PTPRT: variants seen among roughly 807,000 people sequenced by gnomAD.
PTPRT encodes the protein protein tyrosine phosphatase receptor type T, also known as receptor-type tyrosine-protein phosphatase T.
A neutral mutation model predicts 176.8 loss-of-function variants in PTPRT; 56 were observed. The observed-to-expected ratio is 0.32, with a 90% CI of 0.26 to 0.40. The LOEUF (loss-of-function observed/expected upper bound fraction) is 0.40. Ranked by LOEUF, PTPRT falls within the 10% of genes least tolerant of loss-of-function variation. PTPRT has a pLI of 1.00. For synonymous variants in PTPRT, 783 were observed against 739.0 expected (o/e 1.06, Z -0.96); for missense variants, 1,540 against 1,908.2 (o/e 0.81, Z 3.60).
chr20:42,137,472 C>A (rs1988431054), intron 18 of PTPRT, among the ~76,000 whole-genome samples: 1 of 152,162 alleles, frequency 6.6e-6, no homozygotes, highest in South Asian at 2.1e-4. Flanking sequence ...CATTCTCCCC[C>A]AGGAACATGG....
intron 1 of PTPRT, among the ~76,000 whole-genome samples, chr20:43,009,635 G>A (rs1412199942): frequency 6.6e-6 from 1 of 152,172 alleles, no homozygotes; most frequent in Non-Finnish European, 1.5e-5. Flanking sequence ...GCAGCTGAGG[G>A]CAGTGGAGGG....
chr20:43,090,498 G>A (rs1013899659), intron 1 of PTPRT, among the ~76,000 whole-genome samples: 5 of 152,042 alleles, frequency 3.3e-5, no homozygotes, highest in Non-Finnish European at 5.9e-5. Flanking sequence ...TTGATATTCT[G>A]ACCTCGTGAT....
At chr20:42,214,426 G>A (rs933192156) in intron 15 of PTPRT, among the ~76,000 whole-genome samples, 2 of 152,160 alleles carry the variant, frequency 1.3e-5, no homozygotes, top group Admixed American at 1.3e-4. Flanking sequence ...GGGCATAGCT[G>A]GTGGGTCCTT....
chr20:42,697,981 C>T (rs559003306), intron 6 of PTPRT, among the ~76,000 whole-genome samples: 11 of 152,236 alleles, frequency 7.2e-5, no homozygotes, highest in African/African-American at 2.4e-4. Context: ...GCAATTTTCC[C>T]GAAGTATTAA....
At chr20:42,710,481 G>A (rs989182072) in intron 6 of PTPRT, among the ~76,000 whole-genome samples, 2 of 152,226 alleles carry the variant, frequency 1.3e-5, no homozygotes, top group Non-Finnish European at 2.9e-5. Context: ...CCAGCCCAGA[G>A]GGCACAATCC....
intron 7 of PTPRT, among the ~76,000 whole-genome samples, chr20:42,523,561 A>G (rs867344115): frequency 2.9e-4 from 44 of 152,176 alleles, no homozygotes; most frequent in African/African-American, 1.0e-3. Flanking sequence ...GGAAAATTTA[A>G]AAACTAAGTC....
At chr20:42,303,635 C>T (rs1421243335) in intron 12 of PTPRT, among the ~76,000 whole-genome samples, 1 of 152,140 alleles carries the variant, frequency 6.6e-6, no homozygotes, top group Non-Finnish European at 1.5e-5. Context: ...AATGAGAATA[C>T]ATATAGTGCC....
In PTPRT at chr20:42,526,803, T is replaced by C. The variant is rs148290383; in HGVS notation, c.1154-54241A>G. ...CGTGGAGCAGGGCCAAGTTCTAAGA[T>C]AGCAGAAATTCTCTCCAGTTTATAG... On this transcript the variant is annotated intron_variant, in intron 7 of 30. Coordinates refer to ENST00000373187, the MANE Select transcript of PTPRT (RefSeq NM_007050.6). 1.2e-3 allele frequency among the ~76,000 whole-genome samples: 189 copies of C among 152,210 alleles called. 1 individual carries two copies. The highest frequency in any genetic ancestry group is 4.1e-3 in the African/African-American group (170 of 41,532).
chr20:42,636,847 G>A (rs955032123), intron 7 of PTPRT, among the ~76,000 whole-genome samples: 1 of 152,042 alleles, frequency 6.6e-6, no homozygotes, highest in African/African-American at 2.4e-5. Context: ...TGGAAGTGAT[G>A]GTGAGATGTG....
intron 1 of PTPRT, among the ~76,000 whole-genome samples, chr20:43,052,052 G>A (rs564929131): frequency 2.5e-4 from 38 of 152,256 alleles, no homozygotes; most frequent in Non-Finnish European, 4.9e-4. Context: ...ATGGTCTCAC[G>A]GAAACAAAAT....
intron 2 of PTPRT, among the ~76,000 whole-genome samples, chr20:42,845,688 G>C (rs867179901): frequency 2.0e-5 from 3 of 152,206 alleles, no homozygotes; most frequent in Non-Finnish European, 4.4e-5. Flanking sequence ...AGGAGTCCAA[G>C]ACAGGCATGA....
At chr20:42,788,151 A>G (rs2077319176) in intron 3 of PTPRT, among the ~76,000 whole-genome samples, 1 of 152,026 alleles carries the variant, frequency 6.6e-6, no homozygotes, top group African/African-American at 2.4e-5. Flanking sequence ...GCTTTTAGCC[A>G]CTTTCATTCA....
At chr20:43,048,914 C>G (rs907844575) in intron 1 of PTPRT, among the ~76,000 whole-genome samples, 1 of 152,182 alleles carries the variant, frequency 6.6e-6, no homozygotes. Context: ...CCCAGCCACC[C>G]TCCATCACAG....
chr20:43,162,788 T>C (rs2146444101), intron 1 of PTPRT, among the ~76,000 whole-genome samples: 1 of 126,816 alleles, frequency 7.9e-6, no homozygotes. Context: ...GCAGCTTGGC[T>C]CAGGCTGCTC....
chr20:42,877,857 C>G (rs575631722), intron 2 of PTPRT, among the ~76,000 whole-genome samples: 3 of 152,210 alleles, frequency 2.0e-5, no homozygotes, highest in African/African-American at 7.2e-5. Context: ...CTTGCTAAAG[C>G]CCAGGGAGTA....
intron 9 of PTPRT, among the ~76,000 whole-genome samples, chr20:42,425,214 C>T (rs1286330845): frequency 6.6e-6 from 1 of 152,020 alleles, no homozygotes; most frequent in African/African-American, 2.4e-5. Context: ...TGCACACAAG[C>T]AAACCCACAC....
intron 9 of PTPRT, among the ~76,000 whole-genome samples, chr20:42,354,209 T>C (rs2058327545): frequency 6.6e-6 from 1 of 152,210 alleles, no homozygotes; most frequent in Non-Finnish European, 1.5e-5. Context: ...CAATCCTACT[T>C]GCCTACCCCC....
rs527729850 is a variant in PTPRT, at chr20:42,263,673, C to T, written c.2177-14851G>A. Among the ~76,000 whole-genome samples, 19 of 147,854 alleles carry T rather than the reference C, an allele frequency of 1.3e-4. No homozygotes were observed. The South Asian group carries it at 3.4e-3, about 26-fold the overall frequency. Reference sequence around the variant, plus strand: ...GGATTATAGACATGAGCCACTGCGCCGGGCCTTTTTTTTTTTTTTTAACTT... The same window carrying T: ...GGATTATAGACATGAGCCACTGCGCTGGGCCTTTTTTTTTTTTTTTAACTT... On this transcript the variant is annotated intron_variant, in intron 13 of 30. Transcript: ENST00000373187.
chr20:42,261,983 A>G (rs540149409), intron 13 of PTPRT, among the ~76,000 whole-genome samples: 1 of 152,292 alleles, frequency 6.6e-6, no homozygotes, highest in East Asian at 1.9e-4. Context: ...TATAGGAAGG[A>G]TTAGTGGAAG....
Sources: allele counts gnomAD v4.1 joint callset (sites outside exome capture counted in the v4.1 genomes callset), GRCh38; gene constraint gnomAD v4.1.1; transcripts MANE v1.5; gene names NCBI Gene and HGNC (gene_info 2026-07-23, HGNC 2026-07-21).